PWWP2A: variants seen among roughly 807,000 people sequenced by gnomAD.
The protein encoded by PWWP2A is PWWP domain-containing protein 2A.
PWWP2A carries 18 observed loss-of-function variants against 48.5 expected under a neutral mutation model. The observed-to-expected ratio is 0.37, with a 90% CI of 0.26 to 0.55. The LOEUF is 0.55. Ranked by LOEUF, PWWP2A falls within the 20% of genes least tolerant of loss-of-function variation. The pLI is 0.81. For missense variants in PWWP2A, 867 were observed against 976.4 expected (o/e 0.89, Z 1.49); for synonymous variants, 396 against 387.7 (o/e 1.02, Z -0.25).
At chr5:160,113,447 C>CAGT (rs1409733596) in intron 1 of PWWP2A, 3 of 432,186 alleles carry the variant, frequency 6.9e-6, no homozygotes, top group African/African-American at 6.4e-5. Flanking sequence ...CTTTTCCACA[C>CAGT]AGTAGACAGC....
downstream of PWWP2A, among the ~76,000 whole-genome samples, chr5:160,057,992 C>G (rs1300264558): frequency 6.6e-6 from 1 of 152,218 alleles, no homozygotes; most frequent in African/African-American, 2.4e-5. The surrounding 1 kb of genome is among the most constrained non-coding windows in gnomAD (Gnocchi z 4.4). Flanking sequence ...GTCTCGAACT[C>G]CTGAACTCAG....
rs79266982 is a variant in PWWP2A, at chr5:160,118,425, C to G, written c.584+380G>C. Among the ~76,000 whole-genome samples, 1,270 of 151,732 alleles carry G rather than the reference C, an allele frequency of 8.4e-3. 11 individuals are homozygous for G. Among genetic ancestry groups the G allele is most frequent in the Middle Eastern group, 0.02 (6 of 294 alleles). ...CCTCGCAAGCAATGCCCCCCGCCCC[C>G]CCGTCCCCCCGTCCAACACTCCGTT... On this transcript the variant is annotated intron_variant, in intron 1 of 1. Coordinates refer to ENST00000307063, the MANE Select transcript of PWWP2A (RefSeq NM_001130864.2).
At chr5:160,110,133 G>A (rs1048152858) in intron 1 of PWWP2A, among the ~76,000 whole-genome samples, 2 of 150,412 alleles carry the variant, frequency 1.3e-5, no homozygotes, top group Non-Finnish European at 3.0e-5. Flanking sequence ...TGATTTTCTT[G>A]CCTCAGCCTC....
chr5:160,049,466 G>A, the PWWP2A span: 3 of 1,498,550 alleles, frequency 2.0e-6, no homozygotes, highest in Non-Finnish European at 2.7e-6. Context: ...CCAAAGATAT[G>A]TAGGCCATTT....
At chr5:160,062,607 T>C (rs1182142358) in intron 5 of PWWP2A, among the ~76,000 whole-genome samples, 2 of 152,172 alleles carry the variant, frequency 1.3e-5, no homozygotes, top group Non-Finnish European at 2.9e-5. Flanking sequence ...GCACTGGAGA[T>C]GGGCTTGCAG....
chr5:160,095,562 T>C (rs1307585153), intron 1 of PWWP2A, among the ~76,000 whole-genome samples: 3 of 152,130 alleles, frequency 2.0e-5, no homozygotes, highest in Admixed American at 6.6e-5. Flanking sequence ...GGCTTAGATC[T>C]AAACCCAAAG....
At chr5:160,089,670 TAAAG>T, downstream of PWWP2A, 1 of 1,284,892 alleles carries the variant, frequency 7.8e-7, no homozygotes, top group Non-Finnish European at 1.0e-6. Flanking sequence ...TTTCCAGAAA[TAAAG>T]ACATTCTTAG....
At chr5:160,081,938 C>T (rs2113473868) in intron 2 of PWWP2A, among the ~76,000 whole-genome samples, 1 of 152,058 alleles carries the variant, frequency 6.6e-6, no homozygotes, top group African/African-American at 2.4e-5. Flanking sequence ...ATAATGAAAA[C>T]CTATTTATAA....
At chr5:160,104,325 G>T (rs1380973854) in intron 1 of PWWP2A, among the ~76,000 whole-genome samples, 2 of 151,516 alleles carry the variant, frequency 1.3e-5, no homozygotes, top group Non-Finnish European at 2.9e-5. Context: ...CAGCTACTTG[G>T]GAGGCTGAGG....
At chr5:160,108,985 T>A (rs1757173128) in intron 1 of PWWP2A, among the ~76,000 whole-genome samples, 1 of 151,718 alleles carries the variant, frequency 6.6e-6, no homozygotes, top group South Asian at 2.1e-4. Flanking sequence ...GCCACACAAG[T>A]TTTTATTTTT....
intron 1 of PWWP2A, among the ~76,000 whole-genome samples, chr5:160,114,238 C>A (rs1329303820): frequency 1.3e-5 from 2 of 152,068 alleles, no homozygotes. Flanking sequence ...TGGCTTGAGG[C>A]CAAGAGTTCA....
At chr5:160,064,779 C>A (rs1433113592) in intron 4 of PWWP2A, among the ~76,000 whole-genome samples, 2 of 152,162 alleles carry the variant, frequency 1.3e-5, no homozygotes, top group African/African-American at 4.8e-5. Context: ...TGGGAACTCT[C>A]CTGGAAGCTT....
In PWWP2A at chr5:160,092,500, T is replaced by C; in HGVS notation, c.2150A>G (p.Gln717Arg). 6.4e-7 allele frequency: 1 copy of C among 1,551,634 alleles called. No individual in the cohort carries two copies. Among genetic ancestry groups the C allele is most frequent in the Non-Finnish European group, 8.7e-7 (1 of 1,146,980 alleles). The change falls in exon 2 of 2, where the codon CAG becomes CGG. Residue 717 changes from glutamine to arginine, a missense_variant. By Grantham distance (43) the Gln-to-Arg change is conservative. Transcript: ENST00000307063. Reference protein sequence around the residue: ...SQLSPFLENFQSRFNKKRKGL... With the variant: ...SQLSPFLENFRSRFNKKRKGL... ...CTTTCTCTTCTTATTAAAGCGTGAC[T>C]GGAAGTTTTCTAAAAAGGGGGAGAG...
intron 2 of PWWP2A, among the ~76,000 whole-genome samples, chr5:160,082,497 T>C (rs1385305941): frequency 6.6e-6 from 1 of 152,080 alleles, no homozygotes; most frequent in African/African-American, 2.4e-5. Context: ...CAAGTAAAAC[T>C]TGTTAGGTTT....
At chr5:160,074,934 A>G (rs918287787), downstream of PWWP2A, among the ~76,000 whole-genome samples, 9 of 115,350 alleles carry the variant, frequency 7.8e-5, no homozygotes, top group African/African-American at 2.8e-4. Context: ...CCTTGTCTCT[A>G]TTATTTAAAT....
intron 1 of PWWP2A, chr5:160,116,791 C>G: frequency 1.0e-6 from 1 of 985,294 alleles, no homozygotes; most frequent in Non-Finnish European, 1.2e-6. Flanking sequence ...GTGTCTCTTA[C>G]TATTATATAC....
downstream of PWWP2A, among the ~76,000 whole-genome samples, chr5:160,086,476 C>A (rs1350330860): frequency 1.3e-5 from 2 of 152,062 alleles, no homozygotes; most frequent in Non-Finnish European, 2.9e-5. Context: ...ATGATTATAC[C>A]CCTACAGTCT....
intron 4 of PWWP2A, among the ~76,000 whole-genome samples, chr5:160,064,655 C>G (rs1292354410): frequency 6.6e-6 from 1 of 152,122 alleles, no homozygotes; most frequent in Admixed American, 6.5e-5. Context: ...CCAGTTAGGA[C>G]AGGAGGCTTT....
chr5:160,055,303 A>G, the PWWP2A span, among the ~76,000 whole-genome samples: 2 of 152,222 alleles, frequency 1.3e-5, no homozygotes, highest in Admixed American at 6.5e-5. Context: ...TTATTGAACT[A>G]TAAGGTAGCA....
Sources: gnomAD v4.1 joint callset for allele counts (sites outside exome capture counted in the v4.1 genomes callset) on GRCh38, gnomAD v4.1.1 for gene constraint, Gnocchi (gnomAD v3.1) non-coding constraint, MANE v1.5 for transcripts, NCBI Gene and HGNC (gene_info 2026-07-23, HGNC 2026-07-21) for gene names.